Variants in VAC14 observed in about 807,000 individuals in gnomAD.
The protein encoded by VAC14 is VAC14 component of PIKFYVE complex, also known as protein VAC14 homolog.
A neutral mutation model predicts 85.3 loss-of-function variants in VAC14; 47 were observed. That is an observed-to-expected ratio of 0.55 (90% CI 0.44 to 0.70). The LOEUF is 0.70. VAC14 is among the 30% of genes least tolerant of loss of function. The pLI, the probability that VAC14 is intolerant of heterozygous loss-of-function variation, is 0.00. For synonymous variants in VAC14, 447 were observed against 430.5 expected (o/e 1.04, Z -0.47); for missense variants, 861 against 1,004.3 (o/e 0.86, Z 1.93).
At chr16:70,729,557 A>T (rs980729590) in intron 14 of VAC14, among the ~76,000 whole-genome samples, 4 of 151,924 alleles carry the variant, frequency 2.6e-5, no homozygotes, top group Non-Finnish European at 4.4e-5. Context: ...CTCGCAGCAG[A>T]CCATCCCCGG....
chr16:70,799,706 G>C (rs915043505), intron 1 of VAC14, among the ~76,000 whole-genome samples: 2 of 152,204 alleles, frequency 1.3e-5, no homozygotes, highest in Admixed American at 1.3e-4. Flanking sequence ...TGTGAATGGT[G>C]CAGAGGCTGA....
rs963413437 is a variant in VAC14, at chr16:70,783,028, C to T, written c.811+5G>A. ...CGTGGCTGTGGGCCCTCCCCCAATA[C>T]TCACCTGTTGTCTGGCAGTGGATCA... On this transcript the variant is annotated splice_donor_5th_base_variant and intron_variant, in intron 7 of 18. Coordinates refer to ENST00000261776, the MANE Select transcript of VAC14 (RefSeq NM_018052.5). 6.2e-7 allele frequency: 1 copy of T among 1,613,654 alleles called. No individual in the cohort carries two copies. The highest frequency in any genetic ancestry group is 8.5e-7 in the Non-Finnish European group (1 of 1,179,666).
At chr16:70,773,003 G>GA (rs1367793830) in intron 9 of VAC14, 1 of 152,188 alleles carries the variant, frequency 6.6e-6, no homozygotes, top group Admixed American at 6.5e-5. Context: ...TCCCTTTCTC[G>GA]AAAGTGTTTA....
chr16:70,750,716 A>C (rs925984078), intron 12 of VAC14, among the ~76,000 whole-genome samples: 1 of 152,156 alleles, frequency 6.6e-6, no homozygotes, highest in African/African-American at 2.4e-5. Context: ...GCATTCTAGC[A>C]GGTGAAGTCT....
intron 14 of VAC14, among the ~76,000 whole-genome samples, chr16:70,710,346 A>G (rs886177653): frequency 6.6e-6 from 1 of 152,086 alleles, no homozygotes; most frequent in Non-Finnish European, 1.5e-5. Context: ...GTGGCATGTG[A>G]CCTCACACAG....
At position 70,780,934 on chromosome 16, in the gene VAC14, T is replaced by C; in HGVS notation, c.952A>G (p.Lys318Glu). The C allele has an allele frequency of 1.2e-6, 2 of 1,614,152 alleles. No individual in the cohort carries two copies. The highest frequency in any genetic ancestry group is 1.7e-6 in the Non-Finnish European group (2 of 1,180,014). The change falls in exon 9 of 19, where the codon AAA becomes GAA. Residue 318 changes from lysine to glutamate, a missense_variant. Lys to Glu is a moderately conservative substitution (Grantham distance 56, BLOSUM62 1). Transcript: ENST00000261776. ...LAYDDRKKSI[K>E]EVANVCNQSL... ...TGGTTGCACACGTTGGCCACTTCTT[T>C]GATGCCTGAGTCCACTGATGTAAGG...
At chr16:70,724,377 C>T (rs1023616375) in intron 14 of VAC14, among the ~76,000 whole-genome samples, 2 of 152,186 alleles carry the variant, frequency 1.3e-5, no homozygotes, top group African/African-American at 4.8e-5. Flanking sequence ...TCCGATGGTT[C>T]TGTGAGGTGC....
chr16:70,717,889 A>T (rs2054201678), intron 14 of VAC14, among the ~76,000 whole-genome samples: 1 of 152,224 alleles, frequency 6.6e-6, no homozygotes, highest in African/African-American at 2.4e-5. Context: ...CCTGGGCTCA[A>T]GTGATCTGCC....
intron 14 of VAC14, among the ~76,000 whole-genome samples, chr16:70,729,500 G>A (rs1376740206): frequency 2.0e-5 from 3 of 151,978 alleles, no homozygotes; most frequent in South Asian, 2.1e-4. Flanking sequence ...CCTCCTGTAC[G>A]CTCCACTCCC....
chr16:70,728,326 G>A (rs2054490419), intron 14 of VAC14, among the ~76,000 whole-genome samples: 2 of 152,168 alleles, frequency 1.3e-5, no homozygotes, highest in African/African-American at 4.8e-5. Flanking sequence ...GGCCTCTCAC[G>A]GCACCAGGCT....
intron 14 of VAC14, chr16:70,731,222 G>C (rs2054580221): frequency 4.6e-6 from 5 of 1,087,520 alleles, no homozygotes; most frequent in East Asian, 4.5e-5. Flanking sequence ...TGAATAAGAG[G>C]CTGTTCCACC....
chr16:70,719,566 T>C (rs2054239530), intron 14 of VAC14, among the ~76,000 whole-genome samples: 1 of 152,156 alleles, frequency 6.6e-6, no homozygotes, highest in Non-Finnish European at 1.5e-5. Flanking sequence ...AAAATGAGAC[T>C]TGAACAGACT....
chr16:70,799,457 C>G (rs1362098820), intron 1 of VAC14, among the ~76,000 whole-genome samples: 1 of 152,134 alleles, frequency 6.6e-6, no homozygotes, highest in Non-Finnish European at 1.5e-5. Flanking sequence ...AGGTCCGAAC[C>G]CTTTAGTTTA....
At chr16:70,761,078 T>C (rs555153778) in intron 12 of VAC14, 7 of 414,968 alleles carry the variant, frequency 1.7e-5, no homozygotes, top group South Asian at 8.8e-5. Flanking sequence ...ACCATCTGTT[T>C]TGGATTTTTC....
Position 70,779,031 on chromosome 16 carries a change from T to C in VAC14, c.1096+1759A>G, listed in dbSNP as rs199904376. On this transcript the variant is annotated intron_variant, in intron 9 of 18. Transcript: ENST00000261776. ...TTTTCCAGGAGCTGCCAAAAAGCTT[T>C]CAGCTGCTGCATTGGCCGGGAATCG... 8 of 152,142 alleles carry C rather than the reference T, an allele frequency of 5.3e-5. No homozygotes were observed. In the East Asian group the frequency reaches 9.6e-4, roughly 18 times the overall value. The allele number at this position is 152,142 out of a possible 1,614,324, so 9.4% of individuals were successfully genotyped here.
intron 1 of VAC14, among the ~76,000 whole-genome samples, chr16:70,795,237 C>T (rs1267528352): frequency 2.0e-5 from 3 of 152,032 alleles, no homozygotes; most frequent in Non-Finnish European, 2.9e-5. Flanking sequence ...GAGGCTGAGG[C>T]GGGTGGATCA....
chr16:70,764,475 C>T (rs918076870), intron 10 of VAC14, among the ~76,000 whole-genome samples: 2 of 152,158 alleles, frequency 1.3e-5, no homozygotes, highest in Non-Finnish European at 2.9e-5. Context: ...GAGTCTAGGG[C>T]GGTAAACACT....
chr16:70,763,156 G>A (rs753216050), intron 10 of VAC14, 131 bp from the exon 11 acceptor site: 6 of 1,322,860 alleles, frequency 4.5e-6, no homozygotes, highest in Non-Finnish European at 6.2e-6. Flanking sequence ...GGGATCGGGG[G>A]TCAGGGATAA....
At chr16:70,796,485 G>A (rs748488854) in intron 1 of VAC14, among the ~76,000 whole-genome samples, 2 of 152,174 alleles carry the variant, frequency 1.3e-5, no homozygotes, top group Admixed American at 6.5e-5. Flanking sequence ...CTTTCTGGTA[G>A]GGAAAACCAG....
Sources: gnomAD v4.1 joint callset for allele counts (sites outside exome capture counted in the v4.1 genomes callset) on GRCh38, gnomAD v4.1.1 for gene constraint, MANE v1.5 for transcripts, NCBI Gene and HGNC (gene_info 2026-07-23, HGNC 2026-07-21) for gene names.